ADAMTS20: variants seen among roughly 807,000 people sequenced by gnomAD.
ADAMTS20 encodes A disintegrin and metalloproteinase with thrombospondin motifs 20.
Under a neutral mutation model 260.1 loss-of-function variants are expected in ADAMTS20, and 225 were observed. The observed-to-expected ratio is 0.87, with a 90% CI of 0.78 to 0.97. The LOEUF is 0.97. ADAMTS20 is among the 50% of genes least tolerant of loss of function. The pLI is 0.00. For missense variants in ADAMTS20, 2,400 were observed against 2,337.7 expected (o/e 1.03, Z -0.55); for synonymous variants, 802 against 769.5 (o/e 1.04, Z -0.70).
intron 8 of ADAMTS20, among the ~76,000 whole-genome samples, chr12:43,467,688 C>G (rs1942179741): frequency 6.6e-6 from 1 of 151,964 alleles, no homozygotes; most frequent in Non-Finnish European, 1.5e-5. Context: ...TCATCCTATC[C>G]CCCGACTTCA....
intron 7 of ADAMTS20, among the ~76,000 whole-genome samples, chr12:43,479,077 G>T (rs547027353): frequency 6.6e-6 from 1 of 152,082 alleles, no homozygotes; most frequent in Admixed American, 6.6e-5. Context: ...TGTTGATGTG[G>T]AAAGAACCCA....
At chr12:43,484,179 G>C (rs1592092809) in intron 7 of ADAMTS20, among the ~76,000 whole-genome samples, 1 of 152,220 alleles carries the variant, frequency 6.6e-6, no homozygotes, top group East Asian at 1.9e-4. Flanking sequence ...AAAAAACCCA[G>C]TTGAATCAAA....
At chr12:43,522,267 G>A (rs1229432974) in intron 3 of ADAMTS20, among the ~76,000 whole-genome samples, 2 of 152,132 alleles carry the variant, frequency 1.3e-5, no homozygotes, top group African/African-American at 2.4e-5. Flanking sequence ...CAGTTCTCAT[G>A]AGACCCACTC....
chr12:43,517,805 A>G (rs1943019636), intron 3 of ADAMTS20, among the ~76,000 whole-genome samples: 1 of 152,104 alleles, frequency 6.6e-6, no homozygotes, highest in African/African-American at 2.4e-5. Context: ...TCTCTAAAAC[A>G]GTATGACATT....
Position 43,532,114 on chromosome 12 carries a change from G to T in ADAMTS20, c.535C>A (p.His179Asn), listed in dbSNP as rs749193698. Reference protein sequence around the residue: ...KADGNEYEDGHNKPHLIYRQD... With the variant: ...KADGNEYEDGNNKPHLIYRQD... Reference sequence around the variant, plus strand: ...CTGTATATAAGATGTGGCTTGTTGTGACCATCTTCATATTCATTCCCATCT... The same window carrying T: ...CTGTATATAAGATGTGGCTTGTTGTTACCATCTTCATATTCATTCCCATCT... The change falls in exon 3 of 39, where the codon CAC becomes AAC. Residue 179 changes from histidine to asparagine, a missense_variant. Coordinates refer to ENST00000389420, the MANE Select transcript of ADAMTS20 (RefSeq NM_025003.5). 1 of 1,612,270 alleles carries T rather than the reference G, an allele frequency of 6.2e-7. No individual in the cohort carries two copies. The highest frequency in any genetic ancestry group is 8.5e-7 in the Non-Finnish European group (1 of 1,179,108).
chr12:43,376,738 A>T, intron 32 of ADAMTS20, 85 bp from the exon 33 acceptor site: 1 of 1,478,600 alleles, frequency 6.8e-7, no homozygotes, highest in East Asian at 2.3e-5. Context: ...TAGACCAGGT[A>T]TTTCTGGAGC....
intron 15 of ADAMTS20, among the ~76,000 whole-genome samples, chr12:43,444,471 T>C (rs1315188522): frequency 1.3e-5 from 2 of 152,156 alleles, no homozygotes; most frequent in Non-Finnish European, 2.9e-5. Context: ...TTTACAAGAA[T>C]ACTAATAAAC....
chr12:43,377,679 T>A, intron 31 of ADAMTS20, 117 bp from the exon 32 acceptor site: 1 of 815,742 alleles, frequency 1.2e-6, no homozygotes, highest in Non-Finnish European at 1.8e-6. Context: ...CCTATTTAAT[T>A]AGCTTCATTT....
chr12:43,376,221 C>T lies in ADAMTS20; in HGVS notation c.5220+15G>A, dbSNP rs1412287460. ...GATCAATGTTAAAATAAAAAAGGAACTGTTTTCATAATACCTTTATTATTC... is the reference window on the plus strand; with the variant it reads ...GATCAATGTTAAAATAAAAAAGGAATTGTTTTCATAATACCTTTATTATTC... On this transcript the variant is annotated intron_variant, in intron 34 of 38. Coordinates refer to ENST00000389420, the MANE Select transcript of ADAMTS20 (RefSeq NM_025003.5). The T allele has an allele frequency of 2.0e-6, 3 of 1,533,364 alleles. No homozygotes were observed. The highest frequency in any genetic ancestry group is 1.4e-5 in the African/African-American group (1 of 72,136). The allele number at this position is 1,533,364 out of a possible 1,614,324, so 95.0% of individuals were successfully genotyped here. A position where few individuals can be genotyped will look rare whatever the true frequency, so the allele number is the denominator to read the frequency against.
chr12:43,542,144 G>C (rs538962584), intron 2 of ADAMTS20, among the ~76,000 whole-genome samples: 1 of 152,290 alleles, frequency 6.6e-6, no homozygotes, highest in South Asian at 2.1e-4. Flanking sequence ...AATTGTCAAA[G>C]AAATGGCCAC....
Position 43,383,923 on chromosome 12 carries a change from T to C in ADAMTS20, c.4507A>G (p.Lys1503Glu). 2 of 1,613,898 alleles carry C rather than the reference T, an allele frequency of 1.2e-6. No homozygotes were observed. Among genetic ancestry groups the C allele is most frequent in the Non-Finnish European group, 1.7e-6 (2 of 1,179,866 alleles). ...TCTTCAACCACCTGACCAACACCTT[T>C]CAGTCTGCAGTATACATCCCTCTGC... ...VQQRDVYCRL[K>E]GVGQVVEEMC... Residue 1503 changes from lysine to glutamate, a missense_variant, in exon 30 of 39, where the codon AAA (lysine) becomes GAA (glutamate). By Grantham distance (56) the Lys-to-Glu change is moderately conservative (BLOSUM62 1). Transcript: ENST00000389420.
chr12:43,405,890 T>C (rs1327565000), intron 28 of ADAMTS20, among the ~76,000 whole-genome samples: 1 of 152,236 alleles, frequency 6.6e-6, no homozygotes, highest in Non-Finnish European at 1.5e-5. Context: ...TAAGCACTTA[T>C]AACCATATGG....
rs1289149343 is a variant in ADAMTS20, at chr12:43,552,114, T to G, written c.-193A>C. Among the ~76,000 whole-genome samples, 3 of 152,194 alleles carry G rather than the reference T, an allele frequency of 2.0e-5. No individual in the cohort carries two copies. Among genetic ancestry groups the G allele is most frequent in the Non-Finnish European group, 4.4e-5 (3 of 68,032 alleles). The stretch of plus-strand genomic sequence containing the variant: ...CGCCTGTCTCCGCTCGCTGAGCCGC[T>G]GCTTCATCGCACTGCAGCCTCACCC... On this transcript the variant is annotated 5_prime_UTR_variant, in exon 1 of 39. Transcript: ENST00000389420.
At chr12:43,355,471 A>G (rs559394129) in intron 38 of ADAMTS20, among the ~76,000 whole-genome samples, 2 of 152,328 alleles carry the variant, frequency 1.3e-5, no homozygotes, top group South Asian at 4.1e-4. Flanking sequence ...TAAAAACACA[A>G]ATCCTTCATT....
intron 7 of ADAMTS20, among the ~76,000 whole-genome samples, chr12:43,478,129 T>A (rs918929421): frequency 3.3e-5 from 5 of 152,124 alleles, no homozygotes; most frequent in African/African-American, 1.2e-4. Context: ...ACATAAGATG[T>A]TTAAGAAAAT....
At chr12:43,450,990 A>G (rs1293110966) in intron 14 of ADAMTS20, among the ~76,000 whole-genome samples, 1 of 152,162 alleles carries the variant, frequency 6.6e-6, no homozygotes, top group African/African-American at 2.4e-5. Context: ...CATGTTTATC[A>G]CAGCTCTATT....
chr12:43,468,578 G>A, intron 8 of ADAMTS20, 22 bp downstream of exon 8: 2 of 1,391,126 alleles, frequency 1.4e-6, no homozygotes, highest in Non-Finnish European at 2.0e-6. Context: ...TGCACATTAA[G>A]GAGGTGACAG....
chr12:43,436,664 C>T (rs1180351319), intron 18 of ADAMTS20, among the ~76,000 whole-genome samples: 1 of 152,072 alleles, frequency 6.6e-6, no homozygotes, highest in East Asian at 1.9e-4. Context: ...AAAAAGTGAA[C>T]TTGAGAGCAT....
At chr12:43,394,916 T>A (rs1940668541) in intron 29 of ADAMTS20, among the ~76,000 whole-genome samples, 1 of 152,048 alleles carries the variant, frequency 6.6e-6, no homozygotes, top group Admixed American at 6.6e-5. Context: ...GAATAAAAAC[T>A]CTTAATATAG....
Sources: gnomAD v4.1 joint callset for allele counts (sites outside exome capture counted in the v4.1 genomes callset) on GRCh38, gnomAD v4.1.1 for gene constraint, MANE v1.5 for transcripts, NCBI Gene and HGNC (gene_info 2026-07-23, HGNC 2026-07-21) for gene names.